The following USP49 variants were observed in gnomAD, a reference collection of about 807,000 sequenced individuals.
The protein encoded by USP49 is ubiquitin specific peptidase 49.
A neutral mutation model predicts 58.6 loss-of-function variants in USP49; 24 were observed. The ratio of observed to expected loss-of-function variants is 0.41; its 90% CI spans 0.30 to 0.58. The LOEUF is 0.58. Among genes scored for constraint, USP49 ranks in the 20% least tolerant of loss-of-function variants. The pLI is 0.30. For missense variants in USP49, 703 were observed against 866.1 expected, an observed-to-expected ratio of 0.81 and a Z score of 2.36; for synonymous variants, 408 against 365.1, an observed-to-expected ratio of 1.12 and a Z score of -1.34.
intron 2 of USP49, among the ~76,000 whole-genome samples, chr6:41,883,601 C>A (rs770856441): frequency 6.6e-6 from 1 of 150,630 alleles, no homozygotes; most frequent in Non-Finnish European, 1.5e-5. Flanking sequence ...CCAGCCTGAG[C>A]GACAGAGCGA....
intron 5 of USP49, among the ~76,000 whole-genome samples, chr6:41,802,460 A>ATTTTTTTTTTTT (rs71545916): frequency 2.8e-5 from 2 of 71,398 alleles, no homozygotes; most frequent in African/African-American, 1.2e-4. Flanking sequence ...TTATTTATTT[A>ATTTTTTTTTTTT]TTTATTTATT....
chr6:41,873,922 T>C (rs1369115975), intron 2 of USP49, among the ~76,000 whole-genome samples: 1 of 152,236 alleles, frequency 6.6e-6, no homozygotes, highest in African/African-American at 2.4e-5. Flanking sequence ...CTTATATCAT[T>C]TACACTACTG....
Position 41,803,782 on chromosome 6 carries a change from C to T in USP49, c.1561+24G>A, listed in dbSNP as rs767708378. On this transcript the variant is annotated intron_variant, in intron 5 of 7. Transcript: ENST00000682992. The surrounding 1 kb of genome is among the most constrained non-coding windows in gnomAD (Gnocchi z 4.1). ...ATTCCAATTATTCTTCCCCACTACGCCCCCTCCTCCACACAGCACTCACTG... is the reference window on the plus strand; with the variant it reads ...ATTCCAATTATTCTTCCCCACTACGTCCCCTCCTCCACACAGCACTCACTG... The T allele has an allele frequency of 1.2e-6, 2 of 1,612,510 alleles. No homozygotes were observed. The highest frequency in any genetic ancestry group is 1.1e-5 in the South Asian group (1 of 91,030).
Position 41,806,073 on chromosome 6 carries a change from G to A in USP49, c.911C>T (p.Ser304Phe), listed in dbSNP as rs761894203. ...PKATNGKTQL[S>F]GKPTNSSATE... is the part of the protein sequence containing the mutation. ...GGCCGAGCTGTTGGTTGGCTTGCCA[G>A]AAAGCTGAGTCTTCCCGTTGGTGGC... The change falls in exon 4 of 8, where the codon TCT becomes TTT. Residue 304 changes from serine to phenylalanine, a missense_variant. Transcript: ENST00000682992. This position sits in a 1 kb window ranked among gnomAD's most constrained non-coding sequence, Gnocchi z 5.9. The A allele has an allele frequency of 3.1e-6, 5 of 1,613,964 alleles. No individual in the cohort carries two copies. The South Asian group carries it at 4.4e-5, about 14-fold the overall frequency.
chr6:41,810,484 C>T lies in USP49; in HGVS notation c.-28-3473G>A, dbSNP rs183101572. ...AGCCTGGGGGACAAGAGCGAGACTT[C>T]GTCTCCAAAAAATAAAAAATAAATA... On this transcript the variant is annotated intron_variant, in intron 3 of 7. Coordinates refer to ENST00000682992, the MANE Select transcript of USP49 (RefSeq NM_001286554.2). 1.3e-4 allele frequency among the ~76,000 whole-genome samples: 19 copies of T among 150,660 alleles called. No individual in the cohort carries two copies. In the East Asian group the frequency reaches 1.4e-3, roughly 11 times the overall value.
At chr6:41,829,079 A>G (rs4714516) in intron 3 of USP49, among the ~76,000 whole-genome samples, 114,436 of 152,068 alleles carry the variant, frequency 0.75, 43,256 homozygotes, top group East Asian at 0.82. Context: ...TGTGGCTACT[A>G]TGAATAGAAT....
intron 6 of USP49, among the ~76,000 whole-genome samples, chr6:41,799,281 T>C (rs904942732): frequency 3.3e-5 from 5 of 151,992 alleles, no homozygotes; most frequent in African/African-American, 9.7e-5. Flanking sequence ...AATTTTTGCA[T>C]TTTTTGTAGA....
chr6:41,802,452 A>ATTTTTTTTTTTT (rs1561902624), intron 5 of USP49, among the ~76,000 whole-genome samples: 2 of 63,810 alleles, frequency 3.1e-5, no homozygotes, highest in Admixed American at 2.0e-4. Flanking sequence ...TTATTTATTT[A>ATTTTTTTTTTTT]TTTATTTATT....
chr6:41,891,071 AG>A (rs1774803500), intron 2 of USP49, among the ~76,000 whole-genome samples: 1 of 152,252 alleles, frequency 6.6e-6, no homozygotes, highest in Non-Finnish European at 1.5e-5. Context: ...TCATCTAGAA[AG>A]GAACTGGATA....
rs557119493 is a variant in USP49, at chr6:41,822,573, C to T, written c.-28-15562G>A. Among the ~76,000 whole-genome samples the T allele has an allele frequency of 3.3e-5, 5 of 152,280 alleles. No homozygotes were observed. In the South Asian group the frequency reaches 8.3e-4, roughly 25 times the overall value. ...GAATGAAGACAACTTTTAGGCCAGGCACGGTGGCTCATGCCTGTAATCCTA... is the reference window on the plus strand; with the variant it reads ...GAATGAAGACAACTTTTAGGCCAGGTACGGTGGCTCATGCCTGTAATCCTA... On this transcript the variant is annotated intron_variant, in intron 3 of 7. Coordinates refer to ENST00000682992, the MANE Select transcript of USP49 (RefSeq NM_001286554.2).
rs997162876 is a variant in USP49 at position 41,817,144 on chromosome 6, C to G, written c.-28-10133G>C. 3.4e-4 allele frequency among the ~76,000 whole-genome samples: 36 copies of G among 107,270 alleles called. No homozygotes were observed. The South Asian group carries it at 0.011, about 34-fold the overall frequency. The allele number at this position is 107,270 out of a possible 152,430, so 70.4% of individuals were successfully genotyped here. On this transcript the variant is annotated intron_variant, in intron 3 of 7. Coordinates refer to ENST00000682992, the MANE Select transcript of USP49 (RefSeq NM_001286554.2). ...CACATGCCACCACGCCTGGCTCCCA[C>G]GCATGCTTTTTTTTTTTTTTTTTGA...
chr6:41,827,788 C>A (rs1422039974), intron 3 of USP49, among the ~76,000 whole-genome samples: 1 of 151,540 alleles, frequency 6.6e-6, no homozygotes, highest in Non-Finnish European at 1.5e-5. Context: ...ACACTTACTA[C>A]ATCCAGGCAC....
intron 4 of USP49, among the ~76,000 whole-genome samples, chr6:41,805,356 C>T (rs546197874): frequency 1.3e-5 from 2 of 152,090 alleles, no homozygotes; most frequent in African/African-American, 4.8e-5. Context: ...TATTATATTA[C>T]CCCTATCTTC....
At chr6:41,841,909 T>C (rs1304786195) in intron 3 of USP49, among the ~76,000 whole-genome samples, 3 of 152,044 alleles carry the variant, frequency 2.0e-5, no homozygotes, top group African/African-American at 7.2e-5. Flanking sequence ...ATACAAAAAT[T>C]AGCCGGGTGT....
At chr6:41,835,719 C>CAA (rs200186781) in intron 3 of USP49, among the ~76,000 whole-genome samples, 17 of 127,258 alleles carry the variant, frequency 1.3e-4, no homozygotes, top group South Asian at 2.5e-4. Flanking sequence ...AAAAAAAAAA[C>CAA]AGAAAAAAAA....
intron 3 of USP49, among the ~76,000 whole-genome samples, chr6:41,829,535 A>G (rs1414171554): frequency 6.6e-6 from 1 of 151,638 alleles, no homozygotes; most frequent in Non-Finnish European, 1.5e-5. Context: ...CTGGTCTTGA[A>G]CTCCTGACCT....
intron 6 of USP49, 120 bp from the exon 7 acceptor site, chr6:41,799,049 TC>T (rs1354644413): frequency 7.1e-6 from 9 of 1,259,782 alleles, no homozygotes; most frequent in Non-Finnish European, 9.6e-6. Context: ...GGTTTTCCCA[TC>T]AATAAAATGG....
intron 3 of USP49, among the ~76,000 whole-genome samples, chr6:41,840,461 T>G (rs183894226): frequency 1.3e-5 from 2 of 152,104 alleles, no homozygotes; most frequent in Non-Finnish European, 2.9e-5. Flanking sequence ...TATTGAGACC[T>G]TGGGTCAGTG....
intron 4 of USP49, among the ~76,000 whole-genome samples, chr6:41,805,257 T>C (rs1773088904): frequency 6.6e-6 from 1 of 152,198 alleles, no homozygotes; most frequent in East Asian, 1.9e-4. Context: ...CAAACTATTA[T>C]GGAACCAGGG....
Sources: gnomAD v4.1 joint callset for allele counts (sites outside exome capture counted in the v4.1 genomes callset) on GRCh38, gnomAD v4.1.1 for gene constraint, Gnocchi (gnomAD v3.1) non-coding constraint, MANE v1.5 for transcripts, NCBI Gene and HGNC (gene_info 2026-07-23, HGNC 2026-07-21) for gene names.